The following ENOX2 variants were observed in gnomAD, a reference collection of about 807,000 sequenced individuals.
The protein encoded by ENOX2 is APK1 antigen.
Under a neutral mutation model 45.0 loss-of-function variants are expected in ENOX2, and 36 were observed. The observed-to-expected ratio is 0.80, with a 90% CI of 0.61 to 1.06. ENOX2 has a LOEUF of 1.06. Among genes scored for constraint, ENOX2 ranks in the 50% least tolerant of loss-of-function variants. ENOX2 has a pLI of 0.00. For synonymous variants in ENOX2, 174 were observed against 152.3 expected, an observed-to-expected ratio of 1.14 and a Z score of -1.05; for missense variants, 423 against 462.5, an observed-to-expected ratio of 0.91 and a Z score of 0.78.
chrX:130,760,194 G>A (rs2039448963), intron 3 of ENOX2, among the ~76,000 whole-genome samples: 1 of 111,461 alleles, frequency 9.0e-6, no homozygotes. Flanking sequence ...AGTTCTAGGA[G>A]CTTTTTTGTT....
intron 3 of ENOX2, among the ~76,000 whole-genome samples, chrX:130,739,160 C>T (rs780694037): frequency 2.0e-3 from 224 of 112,348 alleles, no homozygotes; most frequent in Non-Finnish European, 3.0e-3. Flanking sequence ...GGAAACCATA[C>T]TTTGAATTTT....
chrX:130,679,504 G>T (rs754418361), intron 6 of ENOX2, 38 bp downstream of exon 6: 1 of 1,086,033 alleles, frequency 9.2e-7, no homozygotes, highest in Non-Finnish European at 1.3e-6. Context: ...TATCTGCGTT[G>T]TGCCTGGTGG....
chrX:130,776,931 T>C (rs1298453960), intron 3 of ENOX2, among the ~76,000 whole-genome samples: 2 of 111,629 alleles, frequency 1.8e-5, no homozygotes, highest in Non-Finnish European at 3.8e-5. Context: ...CAAAGTGCCT[T>C]CCCCTGTGCA....
intron 2 of ENOX2, among the ~76,000 whole-genome samples, chrX:130,844,542 T>C (rs2078066065): frequency 8.9e-6 from 1 of 112,194 alleles, no homozygotes; most frequent in South Asian, 3.7e-4. Flanking sequence ...GTTAAATCGT[T>C]ACACGATAAA....
chrX:130,644,237 G>C (rs1422414835), intron 10 of ENOX2, among the ~76,000 whole-genome samples: 1 of 112,407 alleles, frequency 8.9e-6, no homozygotes, highest in Non-Finnish European at 1.9e-5. Context: ...TAGACATAAA[G>C]AAAGTTCTAA....
At chrX:130,900,021 C>T (rs2079118970) in intron 2 of ENOX2, among the ~76,000 whole-genome samples, 1 of 112,332 alleles carries the variant, frequency 8.9e-6, no homozygotes, top group African/African-American at 3.2e-5. Flanking sequence ...TCTTTATTGT[C>T]TCTCTGTGGA....
At chrX:130,724,503 T>A (rs1470213136) in intron 3 of ENOX2, among the ~76,000 whole-genome samples, 1 of 112,825 alleles carries the variant, frequency 8.9e-6, no homozygotes, top group Non-Finnish European at 1.9e-5. Context: ...AGCCTGTGCT[T>A]TGCAAGGAAA....
At chrX:130,807,650 C>A (rs1235755810) in intron 2 of ENOX2, among the ~76,000 whole-genome samples, 1 of 111,734 alleles carries the variant, frequency 8.9e-6, no homozygotes, top group East Asian at 2.8e-4. Flanking sequence ...AGTCTAAAGT[C>A]CTTCCTTAAC....
At chrX:130,731,282 T>C (rs1254282281) in intron 3 of ENOX2, among the ~76,000 whole-genome samples, 1 of 112,269 alleles carries the variant, frequency 8.9e-6, no homozygotes, top group South Asian at 3.7e-4. Flanking sequence ...ACTCCATATG[T>C]GTTAGCTATT....
chrX:130,634,878 A>G (rs889145930), intron 12 of ENOX2, 106 bp downstream of exon 12: 64 of 450,648 alleles, frequency 1.4e-4, no homozygotes, highest in Non-Finnish European at 1.4e-4. Flanking sequence ...TCGGCCAAAA[A>G]TGTTTGGCCC....
At chrX:130,753,775 T>G (rs2039284217) in intron 3 of ENOX2, among the ~76,000 whole-genome samples, 1 of 111,778 alleles carries the variant, frequency 8.9e-6, no homozygotes, top group South Asian at 3.8e-4. Flanking sequence ...CACGGTTAGT[T>G]TGGTTCTATA....
intron 3 of ENOX2, among the ~76,000 whole-genome samples, chrX:130,709,777 T>G (rs2038139644): frequency 9.0e-6 from 1 of 110,715 alleles, no homozygotes; most frequent in African/African-American, 3.3e-5. Context: ...AATAGTTTTT[T>G]TTTTAATACT....
Position 130,631,588 on chromosome X carries a change from A to G in ENOX2, c.1420-12T>C. 1 of 1,046,743 alleles carries G rather than the reference A, an allele frequency of 9.6e-7. No individual in the cohort carries two copies. The highest frequency in any genetic ancestry group is 1.3e-6 in the Non-Finnish European group (1 of 745,570). 86.3% of individuals were successfully genotyped at this position (1,046,743 alleles called of 1,213,427 possible). On this transcript the variant is annotated splice_polypyrimidine_tract_variant and intron_variant, in intron 12 of 14. Transcript: ENST00000394363. ...GAAGCACAGCTTTCCTGTGGACACA[A>G]CATGCTTCTAGGTCAGTTCACTTTA...
chrX:130,766,463 A>G (rs1402679989), intron 3 of ENOX2, among the ~76,000 whole-genome samples: 1 of 112,277 alleles, frequency 8.9e-6, no homozygotes, highest in South Asian at 3.6e-4. Flanking sequence ...TAATACAGTT[A>G]AATGTACCAA....
intron 9 of ENOX2, among the ~76,000 whole-genome samples, chrX:130,662,719 A>C (rs2036725266): frequency 8.9e-6 from 1 of 112,125 alleles, no homozygotes; most frequent in South Asian, 3.8e-4. Flanking sequence ...AAAAACAATG[A>C]CTTAAAGAGG....
chrX:130,724,549 C>T (rs763875746), intron 3 of ENOX2, among the ~76,000 whole-genome samples: 1 of 112,716 alleles, frequency 8.9e-6, no homozygotes, highest in South Asian at 3.7e-4. Context: ...TGTTAGAGAG[C>T]TCTTTATATT....
intron 2 of ENOX2, among the ~76,000 whole-genome samples, chrX:130,861,133 G>A (rs2078401371): frequency 9.0e-6 from 1 of 111,496 alleles, no homozygotes; most frequent in African/African-American, 3.3e-5. Flanking sequence ...ATGTAGGCAA[G>A]GATGTGGAAA....
At chrX:130,823,390 G>GA (rs1173611708) in intron 2 of ENOX2, among the ~76,000 whole-genome samples, 3 of 111,161 alleles carry the variant, frequency 2.7e-5, no homozygotes, top group African/African-American at 9.8e-5. Flanking sequence ...AGTCTTATAT[G>GA]AAAAAAATCT....
intron 4 of ENOX2, among the ~76,000 whole-genome samples, chrX:130,698,106 T>A (rs776647315): frequency 2.2e-4 from 25 of 111,697 alleles, no homozygotes; most frequent in Non-Finnish European, 4.0e-4. Context: ...ATCTTGTTGT[T>A]GCCAGTAATC....
Sources: allele counts gnomAD v4.1 joint callset (sites outside exome capture counted in the v4.1 genomes callset), GRCh38; gene constraint gnomAD v4.1.1; transcripts MANE v1.5; gene names NCBI Gene and HGNC (gene_info 2026-07-23, HGNC 2026-07-21).